MACROD2: variants seen among roughly 807,000 people sequenced by gnomAD.
MACROD2 encodes mono-ADP ribosylhydrolase 2.
In MACROD2, 36 loss-of-function variants were observed where a neutral mutation model predicts 70.4. That is an observed-to-expected ratio of 0.51 (90% CI 0.39 to 0.68). The LOEUF (loss-of-function observed/expected upper bound fraction) is 0.68, where lower values mean the gene tolerates loss of function less well. Among genes scored for constraint, MACROD2 ranks in the 30% least tolerant of loss-of-function variants. MACROD2 has a pLI of 0.00. For missense variants in MACROD2, 496 were observed against 538.4 expected (o/e 0.92, Z 0.78); for synonymous variants, 172 against 178.8 (o/e 0.96, Z 0.30).
At chr20:15,962,167 C>T (rs1053430373) in intron 12 of MACROD2, among the ~76,000 whole-genome samples, 1 of 152,176 alleles carries the variant, frequency 6.6e-6, no homozygotes, top group Non-Finnish European at 1.5e-5. Context: ...CACTATCAAC[C>T]TTTATTTTGT....
intron 15 of MACROD2, among the ~76,000 whole-genome samples, chr20:16,024,045 G>T (rs1374765554): frequency 6.6e-6 from 1 of 152,164 alleles, no homozygotes; most frequent in African/African-American, 2.4e-5. Flanking sequence ...GATGGCCCAG[G>T]CATCAACAAT....
At chr20:15,219,957 A>G (rs1422562536) in intron 5 of MACROD2, among the ~76,000 whole-genome samples, 3 of 64,382 alleles carry the variant, frequency 4.7e-5, no homozygotes, top group South Asian at 4.5e-4. Flanking sequence ...TCATCTCCTG[A>G]AAAAAAAAAA....
chr20:15,734,175 C>T (rs1229704197), intron 8 of MACROD2, among the ~76,000 whole-genome samples: 2 of 152,130 alleles, frequency 1.3e-5, no homozygotes, highest in African/African-American at 4.8e-5. Context: ...GTACCCTATG[C>T]AAAGGCACTA....
In MACROD2 at chr20:15,574,837, T is replaced by G. The variant is rs77219350; in HGVS notation, c.645+74990T>G. On this transcript the variant is annotated intron_variant, in intron 8 of 17. Coordinates refer to ENST00000684519, the MANE Select transcript of MACROD2 (RefSeq NM_001351661.2). The stretch of plus-strand genomic sequence containing the variant: ...GCATGAGCAAATGGCTGCATTTGTT[T>G]CAGATTCTTTTGCTAGTCGCTTCAT... Among the ~76,000 whole-genome samples, 1,030 of 152,304 alleles carry G rather than the reference T, an allele frequency of 6.8e-3. 12 individuals are homozygous for G. The highest frequency in any genetic ancestry group is 0.023 in the African/African-American group (962 of 41,564).
At chr20:14,901,266 A>C (rs2073892088) in intron 5 of MACROD2, among the ~76,000 whole-genome samples, 1 of 152,094 alleles carries the variant, frequency 6.6e-6, no homozygotes, top group East Asian at 1.9e-4. Context: ...GTTTTAAAAA[A>C]ATCTTTACAA....
At chr20:15,738,142 G>A (rs2051052228) in intron 8 of MACROD2, among the ~76,000 whole-genome samples, 1 of 152,002 alleles carries the variant, frequency 6.6e-6, no homozygotes, top group South Asian at 2.1e-4. Context: ...AGCACAGCAG[G>A]GTGACTATAG....
At chr20:14,247,251 G>T (rs1244205029) in intron 3 of MACROD2, among the ~76,000 whole-genome samples, 1 of 152,174 alleles carries the variant, frequency 6.6e-6, no homozygotes, top group Non-Finnish European at 1.5e-5. Flanking sequence ...CCAAAACTTG[G>T]ACCTGATCTT....
chr20:15,140,608 A>T (rs751442449), intron 5 of MACROD2, among the ~76,000 whole-genome samples: 6 of 152,130 alleles, frequency 3.9e-5, no homozygotes, highest in Non-Finnish European at 8.8e-5. Context: ...AACCTGTAGT[A>T]AAATATGTTT....
chr20:14,862,642 AATAT>A (rs544124119), intron 5 of MACROD2, among the ~76,000 whole-genome samples: 1,920 of 7,872 alleles, frequency 0.24, 250 homozygotes, highest in African/African-American at 0.42. Flanking sequence ...TATATATATA[AATAT>A]ATATATATAA....
intron 15 of MACROD2, among the ~76,000 whole-genome samples, chr20:15,994,448 C>T (rs1018266435): frequency 6.6e-6 from 1 of 152,100 alleles, no homozygotes; most frequent in Non-Finnish European, 1.5e-5. Context: ...ATATATCACT[C>T]TTGAGAATAC....
intron 3 of MACROD2, among the ~76,000 whole-genome samples, chr20:14,251,173 A>G (rs1034108485): frequency 1.3e-5 from 2 of 152,218 alleles, no homozygotes; most frequent in South Asian, 4.2e-4. Flanking sequence ...CCATACACCA[A>G]AAAATAGACT....
At chr20:14,799,501 A>C (rs1243023115) in intron 5 of MACROD2, among the ~76,000 whole-genome samples, 1 of 152,148 alleles carries the variant, frequency 6.6e-6, no homozygotes, top group African/African-American at 2.4e-5. Flanking sequence ...TGAGTTCTGC[A>C]TTAACGAGGA....
At chr20:15,576,103 A>AT (rs538029059) in intron 8 of MACROD2, among the ~76,000 whole-genome samples, 1,648 of 151,860 alleles carry the variant, frequency 0.011, 17 homozygotes, top group Middle Eastern at 0.021. Flanking sequence ...ATTGTTTCCT[A>AT]TTTTTTTTAA....
chr20:15,140,541 A>G (rs2076184088), intron 5 of MACROD2, among the ~76,000 whole-genome samples: 1 of 152,088 alleles, frequency 6.6e-6, no homozygotes, highest in African/African-American at 2.4e-5. Context: ...AGGCTCATTG[A>G]TTTTATGAGA....
intron 3 of MACROD2, chr20:14,325,350 C>T (rs1601479205): frequency 2.2e-6 from 1 of 448,274 alleles, no homozygotes; most frequent in East Asian, 3.5e-5. Flanking sequence ...TGTGTTCAGG[C>T]ATCTCCACTA....
At chr20:14,072,594 ATGTT>A (rs558935516) in intron 2 of MACROD2, among the ~76,000 whole-genome samples, 2 of 152,146 alleles carry the variant, frequency 1.3e-5, no homozygotes, top group South Asian at 4.1e-4. Flanking sequence ...CTATATATGT[ATGTT>A]TGTTATGAGA....
intron 5 of MACROD2, among the ~76,000 whole-genome samples, chr20:14,709,332 A>C (rs993843571): frequency 3.3e-5 from 5 of 152,150 alleles, no homozygotes; most frequent in Non-Finnish European, 7.3e-5. Context: ...CTAGAGGGGC[A>C]CGAAGTCTGT....
At chr20:14,693,535 AG>A (rs1449506847) in intron 5 of MACROD2, among the ~76,000 whole-genome samples, 4 of 152,218 alleles carry the variant, frequency 2.6e-5, no homozygotes, top group Non-Finnish European at 2.9e-5. Context: ...TTGATTAAAA[AG>A]TAGTCCACAG....
At chr20:14,261,881 AT>A (rs11478783) in intron 3 of MACROD2, among the ~76,000 whole-genome samples, 55,481 of 151,018 alleles carry the variant, frequency 0.37, 12,238 homozygotes, top group Non-Finnish European at 0.49. Flanking sequence ...GAGAAACGTG[AT>A]TTTTTTTTTC....
Sources: gnomAD v4.1 joint callset for allele counts (sites outside exome capture counted in the v4.1 genomes callset) on GRCh38, gnomAD v4.1.1 for gene constraint, MANE v1.5 for transcripts, NCBI Gene and HGNC (gene_info 2026-07-23, HGNC 2026-07-21) for gene names.